SMIM23: variants seen among roughly 807,000 people sequenced by gnomAD.
SMIM23 encodes the protein small integral membrane protein 23, also known as CTB-78H18.1.
Under a neutral mutation model 12.8 loss-of-function variants are expected in SMIM23, and 10 were observed. The ratio of observed to expected loss-of-function variants is 0.78; its 90% CI spans 0.48 to 1.32. The LOEUF (loss-of-function observed/expected upper bound fraction) is 1.32, where lower values mean the gene tolerates loss of function less well. Among genes scored for constraint, SMIM23 ranks in the 40% most tolerant of loss-of-function variants. The pLI is 0.00. For synonymous variants in SMIM23, 78 were observed against 80.1 expected, an observed-to-expected ratio of 0.97 and a Z score of 0.14; for missense variants, 184 against 198.2, an observed-to-expected ratio of 0.93 and a Z score of 0.43.
chr5:171,789,113 G>A (rs1168297313), intron 1 of SMIM23, among the ~76,000 whole-genome samples: 2 of 152,254 alleles, frequency 1.3e-5, no homozygotes, highest in African/African-American at 2.4e-5. Context: ...AGGATTACAG[G>A]CGTGCGCCAC....
chr5:171,772,725 C>T, the SMIM23 span, among the ~76,000 whole-genome samples: 1 of 152,146 alleles, frequency 6.6e-6, no homozygotes, highest in African/African-American at 2.4e-5. Flanking sequence ...ACGACTTGAA[C>T]GTCTATGTAT....
chr5:171,780,589 A>G (rs17073971), upstream of SMIM23, among the ~76,000 whole-genome samples: 10,273 of 152,192 alleles, frequency 0.068, 867 homozygotes, highest in African/African-American at 0.2. Flanking sequence ...TTTTGTGACC[A>G]TAATTCATTA....
At chr5:171,776,194 C>T in the SMIM23 span, among the ~76,000 whole-genome samples, 3 of 151,410 alleles carry the variant, frequency 2.0e-5, no homozygotes, top group African/African-American at 7.3e-5. Context: ...TTTATCCCTA[C>T]CTTACAGATG....
At chr5:171,785,024 A>T (rs1335500575), upstream of SMIM23, among the ~76,000 whole-genome samples, 1 of 152,218 alleles carries the variant, frequency 6.6e-6, no homozygotes, top group Non-Finnish European at 1.5e-5. Flanking sequence ...TCCAGGAGTT[A>T]AGGACAGTGT....
At chr5:171,788,420 A>T (rs1755858126) in intron 1 of SMIM23, among the ~76,000 whole-genome samples, 1 of 152,156 alleles carries the variant, frequency 6.6e-6, no homozygotes, top group South Asian at 2.1e-4. Context: ...AAAAACATAC[A>T]TAGAAAGAAA....
chr5:171,784,677 C>T (rs539748396), upstream of SMIM23, among the ~76,000 whole-genome samples: 66 of 152,328 alleles, frequency 4.3e-4, no homozygotes, highest in African/African-American at 1.5e-3. Context: ...ACTGCACTCT[C>T]AGGCATTTAT....
chr5:171,776,325 C>T, the SMIM23 span, among the ~76,000 whole-genome samples: 2 of 152,210 alleles, frequency 1.3e-5, no homozygotes, highest in Non-Finnish European at 2.9e-5. Context: ...GCCCAAGCCC[C>T]AGACCACAAC....
chr5:171,780,429 T>C (rs749122519), upstream of SMIM23, among the ~76,000 whole-genome samples: 1 of 152,124 alleles, frequency 6.6e-6, no homozygotes, highest in Non-Finnish European at 1.5e-5. Context: ...TCTTCCTCCC[T>C]CTCCTCCCTG....
chr5:171,790,136 C>A, intron 1 of SMIM23, 94 bp from the exon 2 acceptor site: 2 of 1,234,202 alleles, frequency 1.6e-6, no homozygotes, highest in Non-Finnish European at 2.3e-6. Context: ...GTCTTATAAG[C>A]ATTCCCATGT....
At chr5:171,774,459 T>A in the SMIM23 span, 2 of 456,146 alleles carry the variant, frequency 4.4e-6, no homozygotes, top group Admixed American at 4.7e-5. Context: ...CCGTCGGACC[T>A]CTCCCCCAAT....
At chr5:171,782,027 G>T (rs935219616), upstream of SMIM23, among the ~76,000 whole-genome samples, 4 of 152,242 alleles carry the variant, frequency 2.6e-5, no homozygotes, top group Non-Finnish European at 5.9e-5. Context: ...GGCCTCTGCA[G>T]CCAGCAGTGG....
Position 171,790,860 on chromosome 5 carries a change from G to A in SMIM23, c.291G>A (p.Lys97=). 1 of 1,536,156 alleles carries A rather than the reference G, an allele frequency of 6.5e-7. No homozygotes were observed. Among genetic ancestry groups the A allele is most frequent in the Non-Finnish European group, 8.7e-7 (1 of 1,146,908 alleles). The change falls in exon 4 of 4, where the codon AAG becomes AAA. Residue 97 remains lysine, a synonymous_variant. Coordinates refer to ENST00000523047, the MANE Select transcript of SMIM23 (RefSeq NM_001289970.2). ...EPIKTIRNWL[K]EKLHVFSEKL... is the part of the protein sequence containing the mutation. ...TAAAGACCATCAGGAACTGGCTGAA[G>A]GAGAAGTTGCATGTCTTCTCGGAGA...
upstream of SMIM23, among the ~76,000 whole-genome samples, chr5:171,781,860 C>G (rs1314314334): frequency 6.6e-6 from 1 of 152,114 alleles, no homozygotes; most frequent in Non-Finnish European, 1.5e-5. Context: ...CACTCTGTGT[C>G]TAGCTAAAGG....
At chr5:171,772,834 C>T in the SMIM23 span, among the ~76,000 whole-genome samples, 2 of 152,282 alleles carry the variant, frequency 1.3e-5, no homozygotes, top group Middle Eastern at 3.4e-3. Context: ...ACCGTCTGGT[C>T]GCTGGCAAGC....
chr5:171,775,878 G>A, the SMIM23 span, among the ~76,000 whole-genome samples: 1 of 151,874 alleles, frequency 6.6e-6, no homozygotes, highest in Non-Finnish European at 1.5e-5. Flanking sequence ...ATTTTGTTTT[G>A]TTTTGTTTTT....
rs1371772405 is a variant in SMIM23 at position 171,785,899 on chromosome 5, A to AGGCAGGTGGCAGCAG, written c.29_43dup (p.Ala14_Glu15insGlyGlnValAlaAla). On this transcript the variant is annotated inframe_insertion, in exon 1 of 4. Coordinates refer to ENST00000523047, the MANE Select transcript of SMIM23 (RefSeq NM_001289970.2). Reference sequence around the variant, plus strand: ...GGCAACCCAGCAAGTGGACAGCAGAAGGCAGGTGGCAGCAGAGCAGGTGGC... The same window carrying AGGCAGGTGGCAGCAG: ...GGCAACCCAGCAAGTGGACAGCAGAAGGCAGGTGGCAGCAGGGCAGGTGGCAGCAGAGCAGGTGGC... 1.3e-6 allele frequency: 2 copies of AGGCAGGTGGCAGCAG among 1,536,258 alleles called. No individual in the cohort carries two copies. The highest frequency in any genetic ancestry group is 1.4e-5 in the African/African-American group (1 of 73,162).
At chr5:171,790,151 C>T in intron 1 of SMIM23, 79 bp from the exon 2 acceptor site, 21 of 1,376,058 alleles carry the variant, frequency 1.5e-5, no homozygotes, top group Non-Finnish European at 2.1e-5. Context: ...CCATGTCTGG[C>T]CCTTTGTGAT....
chr5:171,782,679 CA>C (rs1244425685), upstream of SMIM23: 3 of 152,202 alleles, frequency 2.0e-5, no homozygotes, highest in African/African-American at 7.2e-5. Context: ...ACTGTGAATA[CA>C]AAAATGTATT....
chr5:171,783,195 C>T (rs1033503768), upstream of SMIM23, among the ~76,000 whole-genome samples: 3 of 152,188 alleles, frequency 2.0e-5, no homozygotes, highest in Non-Finnish European at 4.4e-5. Flanking sequence ...ATACTGTGTT[C>T]CTGGGATAGA....
Sources: gnomAD v4.1 joint callset for allele counts (sites outside exome capture counted in the v4.1 genomes callset) on GRCh38, gnomAD v4.1.1 for gene constraint, MANE v1.5 for transcripts, NCBI Gene and HGNC (gene_info 2026-07-23, HGNC 2026-07-21) for gene names.